The following NTM variants were observed in gnomAD, a reference collection of about 807,000 sequenced individuals.
NTM encodes the protein IgLON family member 2.
NTM carries 13 observed loss-of-function variants against 42.1 expected under a neutral mutation model. That is an observed-to-expected ratio of 0.31 (90% CI 0.20 to 0.49). The LOEUF (loss-of-function observed/expected upper bound fraction) is 0.49. Ranked by LOEUF, NTM falls within the 20% of genes least tolerant of loss-of-function variation. The probability of loss-of-function intolerance (pLI) is 0.99; values close to 1 mark genes in which losing one functional copy is unlikely to be tolerated. For missense variants in NTM, 373 were observed against 452.8 expected (o/e 0.82, Z 1.60); for synonymous variants, 187 against 179.2 (o/e 1.04, Z -0.35).
chr11:131,720,620 T>A (rs1288457640), intron 1 of NTM, among the ~76,000 whole-genome samples: 1 of 152,212 alleles, frequency 6.6e-6, no homozygotes, highest in Admixed American at 6.5e-5. Context: ...GCCCAGCACC[T>A]AGACTTGAAC....
intron 1 of NTM, among the ~76,000 whole-genome samples, chr11:131,884,712 G>T (rs1020540545): frequency 6.6e-6 from 1 of 152,114 alleles, no homozygotes; most frequent in African/African-American, 2.4e-5. Flanking sequence ...GGGGCCATTC[G>T]GGAAGAGGCT....
At chr11:131,725,738 G>A (rs1041369901) in intron 1 of NTM, among the ~76,000 whole-genome samples, 1 of 152,192 alleles carries the variant, frequency 6.6e-6, no homozygotes, top group African/African-American at 2.4e-5. Context: ...CGTTAGGAGT[G>A]AGATGGGAAC....
intron 4 of NTM, among the ~76,000 whole-genome samples, chr11:132,216,754 C>T (rs903078116): frequency 6.6e-6 from 1 of 152,196 alleles, no homozygotes; most frequent in Non-Finnish European, 1.5e-5. Flanking sequence ...CTGATATTTG[C>T]CAATGCCCCA....
chr11:131,778,493 A>G (rs2087467090), intron 1 of NTM, among the ~76,000 whole-genome samples: 2 of 152,216 alleles, frequency 1.3e-5, no homozygotes, highest in South Asian at 2.1e-4. Flanking sequence ...GCTATTATGA[A>G]TTGAATGGAA....
intron 2 of NTM, among the ~76,000 whole-genome samples, chr11:132,019,219 C>G (rs1449976532): frequency 6.6e-6 from 1 of 151,316 alleles, no homozygotes; most frequent in African/African-American, 2.4e-5. Context: ...ATTTAGTTTT[C>G]TATTCCAGTT....
chr11:132,318,670 G>GGA (rs2095491182), intron 7 of NTM, among the ~76,000 whole-genome samples: 1 of 152,174 alleles, frequency 6.6e-6, no homozygotes, highest in Non-Finnish European at 1.5e-5. Context: ...GTCACCCTGA[G>GGA]GACAGTGCTG....
At chr11:132,154,987 T>A (rs775960782) in intron 3 of NTM, among the ~76,000 whole-genome samples, 3 of 152,204 alleles carry the variant, frequency 2.0e-5, no homozygotes, top group Non-Finnish European at 4.4e-5. Context: ...TATGTCTCAA[T>A]TATATATTCA....
At chr11:131,391,695 C>A (rs926588483) in intron 1 of NTM, among the ~76,000 whole-genome samples, 1 of 136,154 alleles carries the variant, frequency 7.3e-6, no homozygotes, top group African/African-American at 2.7e-5. Flanking sequence ...GGATTGGGTG[C>A]GGGAGGAGAG....
At chr11:131,518,418 A>G (rs2049168251) in intron 1 of NTM, among the ~76,000 whole-genome samples, 1 of 152,134 alleles carries the variant, frequency 6.6e-6, no homozygotes, top group Non-Finnish European at 1.5e-5. Context: ...TAAGCTGAGT[A>G]CTTAGAATTC....
chr11:132,285,756 G>A (rs534456198), intron 4 of NTM, among the ~76,000 whole-genome samples: 3 of 152,188 alleles, frequency 2.0e-5, no homozygotes, highest in East Asian at 3.9e-4. Flanking sequence ...AATCTTCCCC[G>A]ACTCTGCTCT....
At chr11:132,075,999 TA>T (rs1409607480) in intron 2 of NTM, among the ~76,000 whole-genome samples, 21 of 152,196 alleles carry the variant, frequency 1.4e-4, no homozygotes, top group African/African-American at 4.8e-4. Flanking sequence ...TTTCATCATT[TA>T]TTTTTTTTAA....
At chr11:132,081,803 G>A (rs1245902775) in intron 2 of NTM, among the ~76,000 whole-genome samples, 1 of 151,356 alleles carries the variant, frequency 6.6e-6, no homozygotes, top group African/African-American at 2.4e-5. Flanking sequence ...TTTCAAAGTA[G>A]TATGTGAACC....
intron 1 of NTM, among the ~76,000 whole-genome samples, chr11:131,613,105 C>A (rs2061597790): frequency 6.6e-6 from 1 of 152,230 alleles, no homozygotes; most frequent in South Asian, 2.1e-4. Context: ...CCTCCATTCC[C>A]ACTTCCCTTA....
At chr11:132,227,074 A>G (rs2086463818) in intron 4 of NTM, among the ~76,000 whole-genome samples, 1 of 152,222 alleles carries the variant, frequency 6.6e-6, no homozygotes, top group Non-Finnish European at 1.5e-5. Flanking sequence ...GTTTAGAGCC[A>G]GAGGCTGGCT....
At chr11:132,230,992 A>G (rs574118951) in intron 4 of NTM, among the ~76,000 whole-genome samples, 2 of 152,330 alleles carry the variant, frequency 1.3e-5, no homozygotes, top group East Asian at 3.9e-4. Flanking sequence ...AGCCTGTGTG[A>G]TAGAGTGACA....
At chr11:131,882,966 G>A (rs1009776154) in intron 1 of NTM, among the ~76,000 whole-genome samples, 1 of 152,064 alleles carries the variant, frequency 6.6e-6, no homozygotes, top group South Asian at 2.1e-4. Context: ...AGATCAGGCT[G>A]TGCAAAAAGC....
intron 1 of NTM, among the ~76,000 whole-genome samples, chr11:131,861,488 C>T (rs2046632016): frequency 6.6e-6 from 1 of 152,124 alleles, no homozygotes; most frequent in Non-Finnish European, 1.5e-5. Context: ...TCTAGCTTTT[C>T]CTTTCTTGAT....
At chr11:131,581,658 T>G (rs1259731496) in intron 1 of NTM, among the ~76,000 whole-genome samples, 1 of 152,158 alleles carries the variant, frequency 6.6e-6, no homozygotes, top group Non-Finnish European at 1.5e-5. Flanking sequence ...ACTGGTCCAT[T>G]TCAAAGTTTG....
At chr11:131,749,886 G>C (rs1225072360) in intron 1 of NTM, among the ~76,000 whole-genome samples, 1 of 152,166 alleles carries the variant, frequency 6.6e-6, no homozygotes, top group African/African-American at 2.4e-5. Context: ...AGGCATCATC[G>C]TTTTATGTAG....
Sources: allele counts gnomAD v4.1 joint callset (sites outside exome capture counted in the v4.1 genomes callset), GRCh38; gene constraint gnomAD v4.1.1; transcripts MANE v1.5; gene names NCBI Gene and HGNC (gene_info 2026-07-23, HGNC 2026-07-21).